The following SHPRH variants were observed in gnomAD, a reference collection of about 807,000 sequenced individuals.
SHPRH encodes SNF2 histone linker PHD RING helicase.
Under a neutral mutation model 202.5 loss-of-function variants are expected in SHPRH, and 106 were observed. The observed-to-expected ratio is 0.52, with a 90% CI of 0.45 to 0.62. The LOEUF (loss-of-function observed/expected upper bound fraction) is 0.62. SHPRH is among the 20% of genes least tolerant of loss of function. The pLI, the probability that SHPRH is intolerant of heterozygous loss-of-function variation, is 0.00. For missense variants in SHPRH, 1,710 were observed against 2,020.0 expected (o/e 0.85, Z 2.94); for synonymous variants, 729 against 686.0 (o/e 1.06, Z -0.98).
At chr6:145,947,168 G>A (rs1787476458) in intron 6 of SHPRH, among the ~76,000 whole-genome samples, 1 of 151,970 alleles carries the variant, frequency 6.6e-6, no homozygotes, top group African/African-American at 2.4e-5. Context: ...ATATTTAGTA[G>A]TAATATGGAG....
At chr6:145,896,528 A>T (rs1782023391) in intron 25 of SHPRH, among the ~76,000 whole-genome samples, 1 of 152,098 alleles carries the variant, frequency 6.6e-6, no homozygotes, top group Non-Finnish European at 1.5e-5. Flanking sequence ...GGAAAAGAAC[A>T]GAGCATTTGC....
At chr6:145,947,045 T>A (rs183427630) in intron 6 of SHPRH, among the ~76,000 whole-genome samples, 1 of 152,212 alleles carries the variant, frequency 6.6e-6, no homozygotes, top group East Asian at 1.9e-4. Context: ...TGAAGTTTGT[T>A]TCATTTAGCA....
At chr6:145,912,128 A>G (rs1783550473) in intron 24 of SHPRH, among the ~76,000 whole-genome samples, 1 of 151,908 alleles carries the variant, frequency 6.6e-6, no homozygotes. Context: ...TAGGAGTGAC[A>G]GGAAGCTGAC....
At chr6:145,863,927 T>C (rs1667690900), downstream of SHPRH, among the ~76,000 whole-genome samples, 1 of 152,222 alleles carries the variant, frequency 6.6e-6, no homozygotes, top group African/African-American at 2.4e-5. Flanking sequence ...ACTAGCAAAT[T>C]GTTGCTAAAT....
rs1785957689 is a variant in SHPRH at position 145,935,364 on chromosome 6, G to T, written c.2647C>A (p.Pro883Thr). Residue 883 changes from proline (P) to threonine (T), a missense_variant, in exon 12 of 30, where the codon CCT becomes ACT. Physicochemically the swap from Pro to Thr is conservative, Grantham distance 38 (BLOSUM62 -1). Around this residue, in one of 8 missense-constraint regions of SHPRH, gnomAD observed 277 missense variants for 363.0 expected, o/e 0.76. Transcript: ENST00000275233. ...TGCTGAGGATTCTTCTTGCAGTAAG[G>T]CCGATAGAGAAGTCGAACCCACCAG... ...KHWWVRLLYRPYCKKNPQHLY... is the reference protein window; with the variant it reads ...KHWWVRLLYRTYCKKNPQHLY... 1 of 1,613,836 alleles carries T rather than the reference G, an allele frequency of 6.2e-7. No individual in the cohort carries two copies. The highest frequency in any genetic ancestry group is 8.5e-7 in the Non-Finnish European group (1 of 1,179,984).
chr6:145,886,667 T>C lies in SHPRH; in HGVS notation c.*24A>G. On this transcript the variant is annotated 3_prime_UTR_variant, in exon 30 of 30. Transcript: ENST00000275233. ...ATGAAAGTTTATTAATACACTAAAG[T>C]CCATGGAATGAATCAAGTGTAGTTC... 6.2e-7 allele frequency: 1 copy of C among 1,607,524 alleles called. No individual in the cohort carries two copies. Among genetic ancestry groups the C allele is most frequent in the Non-Finnish European group, 8.5e-7 (1 of 1,178,202 alleles).
intron 13 of SHPRH, 136 bp from the exon 14 acceptor site, chr6:145,933,314 T>A: frequency 7.8e-7 from 1 of 1,289,622 alleles, no homozygotes; most frequent in Non-Finnish European, 1.0e-6. Flanking sequence ...TTTTTTCGCC[T>A]CAATTTTTAC....
intron 22 of SHPRH, 26 bp downstream of exon 22, chr6:145,919,321 CT>C (rs754759115): frequency 1.2e-6 from 2 of 1,611,336 alleles, no homozygotes; most frequent in Admixed American, 1.7e-5. Context: ...TTGCTGTTCC[CT>C]TTTCTGTGAT....
At chr6:145,934,873 C>T (rs748894031) in intron 13 of SHPRH, 34 bp downstream of exon 13, 4 of 1,572,046 alleles carry the variant, frequency 2.5e-6, no homozygotes, top group South Asian at 1.2e-5. Context: ...TTATGATATA[C>T]CAACTGCAAT....
intron 25 of SHPRH, among the ~76,000 whole-genome samples, chr6:145,895,764 A>T (rs1261557145): frequency 6.6e-6 from 1 of 152,028 alleles, no homozygotes; most frequent in Non-Finnish European, 1.5e-5. Context: ...TCATAGTTCT[A>T]CAACTCACTA....
intron 1 of SHPRH, among the ~76,000 whole-genome samples, chr6:145,961,488 T>C (rs774521271): frequency 9.2e-5 from 14 of 152,204 alleles, no homozygotes; most frequent in Non-Finnish European, 1.5e-4. Context: ...TCCTAGCCAA[T>C]GGAATGTGAG....
intron 25 of SHPRH, among the ~76,000 whole-genome samples, chr6:145,895,913 A>G (rs1050508800): frequency 6.6e-6 from 1 of 152,056 alleles, no homozygotes; most frequent in Non-Finnish European, 1.5e-5. Context: ...TAAGGAGTAA[A>G]CACTCAAGAA....
chr6:145,952,625 T>A (rs761637281), intron 2 of SHPRH, 147 bp from the exon 3 acceptor site: 48 of 620,056 alleles, frequency 7.7e-5, no homozygotes, highest in Non-Finnish European at 3.2e-5. Flanking sequence ...CCTACCAAAT[T>A]TCCCCCACGT....
intron 16 of SHPRH, among the ~76,000 whole-genome samples, chr6:145,925,271 G>C (rs1784760629): frequency 6.6e-6 from 1 of 150,626 alleles, no homozygotes; most frequent in East Asian, 2.0e-4. Context: ...ACAGGTGTTA[G>C]GAACTGAATT....
intron 9 of SHPRH, among the ~76,000 whole-genome samples, chr6:145,942,429 A>G (rs1562353360): frequency 6.6e-6 from 1 of 152,172 alleles, no homozygotes; most frequent in African/African-American, 2.4e-5. Context: ...CTAAGACTCA[A>G]AGCTTTGCCT....
At position 145,954,992 on chromosome 6, in the gene SHPRH, A is replaced by G; in HGVS notation, c.331T>C (p.Ser111Pro). The change falls in exon 2 of 30, where the codon TCC becomes CCC. Residue 111 changes from serine (S) to proline (P), a missense_variant. Ser to Pro is a moderately conservative substitution (Grantham distance 74). This residue lies in a region of SHPRH where 459 missense variants were observed against 426.5 expected (regional missense o/e 1.08). Coordinates refer to ENST00000275233, the MANE Select transcript of SHPRH (RefSeq NM_001042683.3). ...IVISPYHFDN[S>P]WKAFLGELTL... is the part of the protein sequence containing the mutation. ...AATTCTCCTAGAAATGCTTTCCAGG[A>G]ATTATCAAAATGATAGGGAGAAATC... 1 of 1,613,782 alleles carries G rather than the reference A, an allele frequency of 6.2e-7. No homozygotes were observed.
chr6:145,910,630 C>T lies in SHPRH; in HGVS notation c.4333G>A (p.Val1445Ile). The change falls in exon 25 of 30, where the codon GTA (valine) becomes ATA (isoleucine). Residue 1445 changes from valine (V) to isoleucine (I), a missense_variant. Transcript: ENST00000275233. The part of the protein sequence containing the change: ...CARQLGKQWA[V>I]LTCGHCFCNE... ...CAGAAACAGTGACCACAGGTCAGTA[C>T]CGCCCACTAAAAAGAAAACAGAACA... 6.2e-7 allele frequency: 1 copy of T among 1,604,592 alleles called. No individual in the cohort carries two copies.
At chr6:145,925,058 T>C (rs942227632) in intron 16 of SHPRH, among the ~76,000 whole-genome samples, 3 of 151,672 alleles carry the variant, frequency 2.0e-5, no homozygotes, top group African/African-American at 7.3e-5. Flanking sequence ...AGTAACAAAA[T>C]TTCAGAAACA....
intron 17 of SHPRH, among the ~76,000 whole-genome samples, chr6:145,924,467 A>C (rs1270650968): frequency 6.6e-6 from 1 of 151,920 alleles, no homozygotes; most frequent in Non-Finnish European, 1.5e-5. Flanking sequence ...TACTTTCTTC[A>C]AAAGACAACT....
Sources: allele counts gnomAD v4.1 joint callset (sites outside exome capture counted in the v4.1 genomes callset), GRCh38; gene constraint gnomAD v4.1.1; regional missense constraint gnomAD v4.1.1; transcripts MANE v1.5; gene names NCBI Gene and HGNC (gene_info 2026-07-23, HGNC 2026-07-21).